The following DNAL1 variants were observed in gnomAD, a reference collection of about 807,000 sequenced individuals.
DNAL1 encodes the protein chromosome 14 open reading frame 168.
A neutral mutation model predicts 29.4 loss-of-function variants in DNAL1; 17 were observed. That is an observed-to-expected ratio of 0.58 (90% CI 0.40 to 0.87). DNAL1 has a LOEUF of 0.87. Ranked by LOEUF, DNAL1 falls within the 40% of genes least tolerant of loss-of-function variation. The pLI is 0.00. For synonymous variants in DNAL1, 78 were observed against 76.3 expected, an observed-to-expected ratio of 1.02 and a Z score of -0.12; for missense variants, 188 against 214.1, an observed-to-expected ratio of 0.88 and a Z score of 0.76.
In DNAL1 at chr14:73,691,851, C is replaced by G. The variant is rs891134979; in HGVS notation, c.532+2336C>G. 9.3e-5 allele frequency among the ~76,000 whole-genome samples: 13 copies of G among 139,714 alleles called. 1 individual carries two copies. The highest frequency in any genetic ancestry group is 2.0e-4 in the African/African-American group (8 of 39,148). 91.7% of individuals were successfully genotyped at this position (139,714 alleles called of 152,430 possible). On this transcript the variant is annotated intron_variant, in intron 7 of 7. Transcript: ENST00000553645. ...TGGAACTACAGGCGTGCGCCACCCC[C>G]CCCCCCCAGCTAATTTTTGTATTTT... is the stretch of plus-strand genomic sequence containing the variant.
chr14:73,650,260 A>G (rs977251824), intron 1 of DNAL1, among the ~76,000 whole-genome samples: 1 of 152,168 alleles, frequency 6.6e-6, no homozygotes, highest in African/African-American at 2.4e-5. Context: ...AAGTACTGGG[A>G]TTATAGGCAT....
intron 4 of DNAL1, among the ~76,000 whole-genome samples, chr14:73,665,845 G>A (rs1424045300): frequency 6.6e-6 from 1 of 152,018 alleles, no homozygotes; most frequent in Non-Finnish European, 1.5e-5. Flanking sequence ...TTCTATGTAG[G>A]GCTGGCAGTG....
At chr14:73,683,087 G>T (rs1025040241) in intron 5 of DNAL1, among the ~76,000 whole-genome samples, 14 of 151,934 alleles carry the variant, frequency 9.2e-5, no homozygotes, top group African/African-American at 2.9e-4. Context: ...TGTTGGTCAG[G>T]CTGGTCTCGA....
chr14:73,649,099 C>A (rs912525398), intron 1 of DNAL1, among the ~76,000 whole-genome samples: 6 of 151,654 alleles, frequency 4.0e-5, no homozygotes, highest in African/African-American at 9.7e-5. Context: ...GTCAGCCTCC[C>A]GAATAGCTGG....
chr14:73,647,237 C>T (rs1188510656), intron 1 of DNAL1, among the ~76,000 whole-genome samples: 6 of 151,318 alleles, frequency 4.0e-5, no homozygotes, highest in Non-Finnish European at 8.8e-5. Context: ...TGGTGGTAGG[C>T]GCCTATAGTC....
chr14:73,656,090 C>T (rs1202254218), intron 2 of DNAL1, among the ~76,000 whole-genome samples: 1 of 151,946 alleles, frequency 6.6e-6, no homozygotes, highest in Non-Finnish European at 1.5e-5. Context: ...TAATAATGTA[C>T]CTTTTGCTTC....
At chr14:73,690,033 G>T (rs1316398553) in intron 7 of DNAL1, among the ~76,000 whole-genome samples, 1 of 77,488 alleles carries the variant, frequency 1.3e-5, no homozygotes, top group African/African-American at 7.4e-5. Flanking sequence ...GTGAAATTCC[G>T]TCTCAAAAAA....
chr14:73,675,813 G>A (rs1460641008), intron 5 of DNAL1, among the ~76,000 whole-genome samples: 6 of 151,688 alleles, frequency 4.0e-5, no homozygotes, highest in African/African-American at 1.2e-4. Flanking sequence ...TCAGGAGTTC[G>A]AGACCAGCCT....
intron 7 of DNAL1, among the ~76,000 whole-genome samples, chr14:73,690,544 C>T (rs1260685325): frequency 2.6e-5 from 4 of 151,662 alleles, no homozygotes; most frequent in Admixed American, 2.6e-4. Context: ...CCCATCTACT[C>T]GGGAGGCTGA....
chr14:73,647,377 AAAAAGAAAAAG>A (rs1386713736), intron 1 of DNAL1, among the ~76,000 whole-genome samples: 7 of 107,728 alleles, frequency 6.5e-5, no homozygotes, highest in South Asian at 5.9e-4. Flanking sequence ...AAAAAAAAAA[AAAAAGAAAAAG>A]AAAAAGAAAA....
intron 1 of DNAL1, among the ~76,000 whole-genome samples, chr14:73,653,734 T>G (rs1416554671): frequency 6.6e-6 from 1 of 152,190 alleles, no homozygotes; most frequent in Admixed American, 6.6e-5. Flanking sequence ...AGGTTCACAT[T>G]TGTTCACATA....
chr14:73,666,729 T>C (rs1406449274), intron 4 of DNAL1, among the ~76,000 whole-genome samples: 4 of 152,202 alleles, frequency 2.6e-5, no homozygotes, highest in Admixed American at 6.6e-5. Context: ...TTGCATATAT[T>C]TGTTATCTCC....
At chr14:73,669,339 C>T (rs1329295267) in intron 4 of DNAL1, among the ~76,000 whole-genome samples, 1 of 151,876 alleles carries the variant, frequency 6.6e-6, no homozygotes, top group East Asian at 1.9e-4. Context: ...TGCAGTGGCG[C>T]AATCTTGGCT....
At chr14:73,652,432 A>G (rs775085523) in intron 1 of DNAL1, among the ~76,000 whole-genome samples, 26 of 151,792 alleles carry the variant, frequency 1.7e-4, no homozygotes, top group Non-Finnish European at 3.1e-4. Flanking sequence ...CAGTGCCACC[A>G]CGGTCTAATT....
intron 5 of DNAL1, among the ~76,000 whole-genome samples, chr14:73,681,837 G>C (rs1891894865): frequency 6.6e-6 from 1 of 151,532 alleles, no homozygotes. Context: ...GTTTAGCTGG[G>C]CATGGTGGCT....
intron 5 of DNAL1, chr14:73,672,823 T>C (rs985813694): frequency 8.0e-5 from 12 of 149,526 alleles, no homozygotes; most frequent in Non-Finnish European, 1.8e-4. Flanking sequence ...TGACATAATA[T>C]CAGCTCACTG....
At chr14:73,675,002 G>A (rs532433671) in intron 5 of DNAL1, among the ~76,000 whole-genome samples, 80 of 151,898 alleles carry the variant, frequency 5.3e-4, no homozygotes, top group African/African-American at 1.9e-3. Context: ...TGTATTTTTA[G>A]TAGGGGTCTC....
intron 5 of DNAL1, among the ~76,000 whole-genome samples, chr14:73,675,468 TA>T (rs1187064723): frequency 4.0e-5 from 6 of 150,466 alleles, no homozygotes; most frequent in African/African-American, 4.9e-5. Context: ...CCCAGCTAAT[TA>T]AAAAAAAAAT....
At chr14:73,652,006 C>G (rs1209779292) in intron 1 of DNAL1, among the ~76,000 whole-genome samples, 1 of 151,960 alleles carries the variant, frequency 6.6e-6, no homozygotes, top group East Asian at 1.9e-4. Context: ...TCTGTATTCT[C>G]TCTCTTTTTC....
Sources: gnomAD v4.1 joint callset for allele counts (sites outside exome capture counted in the v4.1 genomes callset) on GRCh38, gnomAD v4.1.1 for gene constraint, MANE v1.5 for transcripts, NCBI Gene and HGNC (gene_info 2026-07-23, HGNC 2026-07-21) for gene names.